The following HPSE2 variants were observed in gnomAD, a reference collection of about 807,000 sequenced individuals.
HPSE2 encodes heparanase 2 (inactive), also known as inactive heparanase-2.
Under a neutral mutation model 60.5 loss-of-function variants are expected in HPSE2, and 38 were observed. The observed-to-expected ratio is 0.63, with a 90% CI of 0.48 to 0.82. HPSE2 has a LOEUF of 0.82. Ranked by LOEUF, HPSE2 falls within the 40% of genes least tolerant of loss-of-function variation. HPSE2 has a pLI of 0.00. For synonymous variants in HPSE2, 295 were observed against 293.2 expected, an observed-to-expected ratio of 1.01 and a Z score of -0.06; for missense variants, 713 against 740.4, an observed-to-expected ratio of 0.96 and a Z score of 0.43.
At chr10:98,627,894 G>A (rs954164334) in intron 7 of HPSE2, among the ~76,000 whole-genome samples, 4 of 152,168 alleles carry the variant, frequency 2.6e-5, no homozygotes, top group African/African-American at 7.2e-5. Flanking sequence ...CTAAGCAGCA[G>A]GAAAGGCCAG....
intron 2 of HPSE2, among the ~76,000 whole-genome samples, chr10:99,152,535 T>C (rs1434827739): frequency 2.0e-5 from 3 of 152,020 alleles, no homozygotes; most frequent in Non-Finnish European, 4.4e-5. Flanking sequence ...TAGAAGAAAA[T>C]ATGTTTTAGT....
intron 3 of HPSE2, among the ~76,000 whole-genome samples, chr10:99,053,723 T>TA (rs1958044054): frequency 8.7e-6 from 1 of 115,118 alleles, no homozygotes; most frequent in Non-Finnish European, 1.8e-5. Context: ...TACAGTCTTT[T>TA]TTTTTTTTTT....
At chr10:98,944,128 C>T (rs1414462024) in intron 3 of HPSE2, among the ~76,000 whole-genome samples, 1 of 152,098 alleles carries the variant, frequency 6.6e-6, no homozygotes, top group Non-Finnish European at 1.5e-5. Flanking sequence ...AGTTTAAGAA[C>T]AAGAAGGCAG....
chr10:99,107,107 G>C (rs1370651084), intron 3 of HPSE2, among the ~76,000 whole-genome samples: 1 of 152,098 alleles, frequency 6.6e-6, no homozygotes, highest in African/African-American at 2.4e-5. Context: ...CTGACCTCAG[G>C]GGATCCACCC....
intron 9 of HPSE2, among the ~76,000 whole-genome samples, chr10:98,596,456 G>A (rs763167985): frequency 3.8e-4 from 50 of 132,344 alleles, no homozygotes; most frequent in Non-Finnish European, 6.0e-4. Flanking sequence ...ATGTTTTCAC[G>A]TTACTAATTA....
intron 6 of HPSE2, among the ~76,000 whole-genome samples, chr10:98,646,668 T>C: frequency 6.6e-6 from 1 of 152,182 alleles, no homozygotes; most frequent in Non-Finnish European, 1.5e-5. Context: ...CTATACAAAG[T>C]AAAAGGAACC....
At chr10:98,999,945 G>A (rs1179918497) in intron 3 of HPSE2, among the ~76,000 whole-genome samples, 1 of 152,108 alleles carries the variant, frequency 6.6e-6, no homozygotes, top group Non-Finnish European at 1.5e-5. Flanking sequence ...TATGATAGAT[G>A]AATTAGTGGA....
chr10:98,510,142 TAAATATGAATCTAATGCATATTTTTGAA>T, intron 9 of HPSE2, among the ~76,000 whole-genome samples: 1 of 152,248 alleles, frequency 6.6e-6, no homozygotes, highest in Non-Finnish European at 1.5e-5. Flanking sequence ...CATTTACTGA[TAAATATGAATCTAATGCATATTTTTGAA>T]ATGTTTTGTC....
chr10:99,021,973 T>C (rs996283178), intron 3 of HPSE2, among the ~76,000 whole-genome samples: 4 of 151,730 alleles, frequency 2.6e-5, no homozygotes, highest in African/African-American at 9.7e-5. Flanking sequence ...ACATGTGCCA[T>C]GTTGGTGTGC....
At chr10:99,102,981 C>G (rs1283981261) in intron 3 of HPSE2, among the ~76,000 whole-genome samples, 1 of 152,146 alleles carries the variant, frequency 6.6e-6, no homozygotes, top group Non-Finnish European at 1.5e-5. Context: ...TGGGACGTAT[C>G]TCAAAATAAT....
chr10:98,726,456 A>AG (rs1452738533), intron 4 of HPSE2, among the ~76,000 whole-genome samples: 1 of 119,764 alleles, frequency 8.3e-6, no homozygotes, highest in African/African-American at 3.2e-5. Flanking sequence ...GGACACAGGA[A>AG]GGGGAACATC....
chr10:98,566,786 G>A (rs1288177558), intron 9 of HPSE2, among the ~76,000 whole-genome samples: 2 of 152,148 alleles, frequency 1.3e-5, no homozygotes, highest in African/African-American at 2.4e-5. Flanking sequence ...GACACAGAAG[G>A]GTTTGAGTTA....
intron 3 of HPSE2, among the ~76,000 whole-genome samples, chr10:98,884,791 G>A (rs1596653): frequency 0.85 from 129,261 of 152,100 alleles, 55,361 homozygotes; most frequent in African/African-American, 0.95. Context: ...TTAGATTCTC[G>A]TAAGGAGCAC....
intron 3 of HPSE2, among the ~76,000 whole-genome samples, chr10:98,998,635 A>G (rs1956703465): frequency 6.6e-6 from 1 of 152,196 alleles, no homozygotes; most frequent in African/African-American, 2.4e-5. Context: ...GAACCAGATC[A>G]CTCAGTCCTC....
intron 5 of HPSE2, among the ~76,000 whole-genome samples, chr10:98,696,611 AAT>A (rs1491453110): frequency 4.6e-5 from 7 of 152,278 alleles, no homozygotes; most frequent in South Asian, 2.1e-4. Flanking sequence ...CCAACCATGG[AAT>A]GCGTAGATTC....
At position 99,126,458 on chromosome 10, in the gene HPSE2, T is replaced by C. The variant is rs1286227893; in HGVS notation, c.610+17780A>G. Among the ~76,000 whole-genome samples, 1 of 152,142 alleles carries C rather than the reference T, an allele frequency of 6.6e-6. No individual in the cohort carries two copies. Among genetic ancestry groups the C allele is most frequent in the African/African-American group, 2.4e-5 (1 of 41,426 alleles). On this transcript the variant is annotated intron_variant, in intron 3 of 11. Transcript: ENST00000370552. This position sits in a 1 kb window ranked among gnomAD's most constrained non-coding sequence, Gnocchi z 4.0. The stretch of plus-strand genomic sequence containing the variant: ...ACCAGAATAGTTACCCTGGCCAATG[T>C]ATGGCAAGCGTAGATCTCCTTACTA...
chr10:98,577,191 TTTAAC>T (rs1427158852), intron 9 of HPSE2, among the ~76,000 whole-genome samples: 4 of 151,926 alleles, frequency 2.6e-5, no homozygotes, highest in African/African-American at 9.7e-5. Flanking sequence ...TGCTGATTAC[TTTAAC>T]TTGTCTTTAT....
At position 98,878,535 on chromosome 10, in the gene HPSE2, C is replaced by G. The variant is rs1952936555; in HGVS notation, c.611-134479G>C. Among the ~76,000 whole-genome samples the G allele has an allele frequency of 2.0e-5, 3 of 151,880 alleles. No homozygotes were observed. The South Asian group carries it at 6.2e-4, about 31-fold the overall frequency. On this transcript the variant is annotated intron_variant, in intron 3 of 11. Transcript: ENST00000370552. ...TTCCAGACTGAAGAAAGAGAAGGTT[C>G]AATGACCCACAAGTTGAAGAGATCC... is the stretch of plus-strand genomic sequence containing the variant.
At position 99,047,646 on chromosome 10, in the gene HPSE2, G is replaced by A. The variant is rs1172473906; in HGVS notation, c.610+96592C>T. 1.6e-5 allele frequency: 12 copies of A among 732,332 alleles called. No homozygotes were observed. In the African/African-American group the frequency reaches 2.1e-4, roughly 13 times the overall value. 45.4% of individuals were successfully genotyped at this position (732,332 alleles called of 1,614,324 possible). ...TCTTTTCTGGCTGGAACCATGGATGGTGTAGAAGAGAAGAAGAAGACGGTT... is the reference window on the plus strand; with the variant it reads ...TCTTTTCTGGCTGGAACCATGGATGATGTAGAAGAGAAGAAGAAGACGGTT... On this transcript the variant is annotated intron_variant, in intron 3 of 11. Coordinates refer to ENST00000370552, the MANE Select transcript of HPSE2 (RefSeq NM_021828.5).
Sources: gnomAD v4.1 joint callset for allele counts (sites outside exome capture counted in the v4.1 genomes callset) on GRCh38, gnomAD v4.1.1 for gene constraint, Gnocchi (gnomAD v3.1) non-coding constraint, MANE v1.5 for transcripts, NCBI Gene and HGNC (gene_info 2026-07-23, HGNC 2026-07-21) for gene names.